ANKRD30A: variants seen among roughly 807,000 people sequenced by gnomAD.
ANKRD30A encodes the protein ankyrin repeat domain 30A.
A neutral mutation model predicts 166.3 loss-of-function variants in ANKRD30A; 170 were observed. The observed-to-expected ratio is 1.02, with a 90% CI of 0.90 to 1.16. ANKRD30A has a LOEUF of 1.16. Among genes scored for constraint, ANKRD30A ranks in the 50% most tolerant of loss-of-function variants. The probability of loss-of-function intolerance (pLI) is 0.00; values close to 1 mark genes in which losing one functional copy is unlikely to be tolerated. For synonymous variants in ANKRD30A, 564 were observed against 508.9 expected, an observed-to-expected ratio of 1.11 and a Z score of -1.46; for missense variants, 1,630 against 1,518.0, an observed-to-expected ratio of 1.07 and a Z score of -1.23.
chr10:37,255,908 TG>T, the ANKRD30A span, among the ~76,000 whole-genome samples: 1 of 152,252 alleles, frequency 6.6e-6, no homozygotes, highest in Non-Finnish European at 1.5e-5. Context: ...TTCCCAGCTC[TG>T]AATCCTCCAG....
chr10:37,128,076 A>G (rs567274541), intron 1 of ANKRD30A, among the ~76,000 whole-genome samples: 1 of 152,206 alleles, frequency 6.6e-6, no homozygotes, highest in Non-Finnish European at 1.5e-5. Flanking sequence ...ATACAGAAGT[A>G]TGTTGACATT....
chr10:37,246,986 C>A, the ANKRD30A span, among the ~76,000 whole-genome samples: 27 of 152,072 alleles, frequency 1.8e-4, no homozygotes, highest in Admixed American at 1.0e-3. Context: ...TTTGGGAGAC[C>A]GAGGTGGGTG....
At chr10:37,191,544 C>T (rs1840578740) in intron 25 of ANKRD30A, among the ~76,000 whole-genome samples, 1 of 151,888 alleles carries the variant, frequency 6.6e-6, no homozygotes, top group African/African-American at 2.4e-5. Flanking sequence ...ATGATTTGCT[C>T]CTGTGATTCC....
intron 27 of ANKRD30A, among the ~76,000 whole-genome samples, chr10:37,194,799 A>C (rs1840937233): frequency 6.6e-6 from 1 of 152,142 alleles, no homozygotes. Flanking sequence ...AAACACATTT[A>C]ATTAGACCGT....
intron 5 of ANKRD30A, 78 bp from the exon 6 acceptor site, chr10:37,136,529 A>G (rs1588755418): frequency 9.3e-6 from 6 of 646,538 alleles, no homozygotes; most frequent in African/African-American, 1.9e-5. Context: ...TGCTCTAAGA[A>G]CTTAATAAAT....
chr10:37,149,874 A>G (rs368836727), intron 11 of ANKRD30A, 25 bp downstream of exon 11: 10 of 1,611,248 alleles, frequency 6.2e-6, no homozygotes, highest in African/African-American at 4.0e-5. Context: ...TTAACTATGC[A>G]AAGACGAATA....
chr10:37,166,059 G>A (rs1252821475), intron 18 of ANKRD30A, among the ~76,000 whole-genome samples: 1 of 151,984 alleles, frequency 6.6e-6, no homozygotes, highest in African/African-American at 2.4e-5. Context: ...TCAGAAACAT[G>A]TTGCTTATTT....
rs1214504490 is a variant in ANKRD30A, at chr10:37,189,511, G to A, written c.2466G>A (p.Lys822=). 2.0e-6 allele frequency: 3 copies of A among 1,533,846 alleles called. No individual in the cohort carries two copies. The highest frequency in any genetic ancestry group is 2.9e-5 in the African/African-American group (2 of 69,218). ...CACAGAAGGATGTGTGTTTACCCAA[G>A]GCTACGCATCAAAAAGAAATAGATA... ...TVSQKDVCLP[K]ATHQKEIDKI... is the part of the protein sequence containing the mutation. The change falls in exon 25 of 36, where the codon AAG becomes AAA. Residue 822 remains lysine (K), a synonymous_variant. Transcript: ENST00000361713.
chr10:37,162,725 T>A lies in ANKRD30A; in HGVS notation c.1929+48T>A, dbSNP rs761776284. ...TTTGAATGACTTATTATCTATGTATTTTGTGAAGTATACATTCTTTATTAA... is the reference window on the plus strand; with the variant it reads ...TTTGAATGACTTATTATCTATGTATATTGTGAAGTATACATTCTTTATTAA... On this transcript the variant is annotated intron_variant, in intron 16 of 35. Coordinates refer to ENST00000361713, the MANE Select transcript of ANKRD30A (RefSeq NM_052997.3). 5.0e-6 allele frequency: 8 copies of A among 1,612,344 alleles called. No individual in the cohort carries two copies. In the South Asian group the frequency reaches 8.8e-5, roughly 18 times the overall value.
intron 29 of ANKRD30A, among the ~76,000 whole-genome samples, chr10:37,198,522 A>G (rs1841345679): frequency 6.6e-6 from 1 of 152,068 alleles, no homozygotes; most frequent in Non-Finnish European, 1.5e-5. Context: ...TAAAAGTAAA[A>G]TATTTAAGAT....
chr10:37,215,287 T>A (rs1842545890), intron 31 of ANKRD30A, among the ~76,000 whole-genome samples: 3 of 151,476 alleles, frequency 2.0e-5, no homozygotes, highest in Non-Finnish European at 1.5e-5. Context: ...TTCTTGCCAC[T>A]ATGTGAGAAC....
At chr10:37,202,677 C>CA (rs1841720100) in intron 31 of ANKRD30A, among the ~76,000 whole-genome samples, 2 of 151,866 alleles carry the variant, frequency 1.3e-5, no homozygotes, top group South Asian at 2.1e-4. Context: ...AAAAATCCTT[C>CA]AAAAAATCAA....
At chr10:37,206,108 A>G (rs1301971709) in intron 31 of ANKRD30A, among the ~76,000 whole-genome samples, 1 of 152,208 alleles carries the variant, frequency 6.6e-6, no homozygotes, top group Non-Finnish European at 1.5e-5. Flanking sequence ...AGGAAAATTT[A>G]TTTTAAAAAG....
chr10:37,207,437 A>G (rs1474674587), intron 31 of ANKRD30A, among the ~76,000 whole-genome samples: 1 of 152,148 alleles, frequency 6.6e-6, no homozygotes, highest in Non-Finnish European at 1.5e-5. Context: ...AATGGCTTGT[A>G]AAATTTTCCT....
At chr10:37,198,860 G>T (rs537122509) in intron 29 of ANKRD30A, among the ~76,000 whole-genome samples, 57 of 152,106 alleles carry the variant, frequency 3.7e-4, no homozygotes, top group African/African-American at 1.3e-3. Flanking sequence ...TCTTTAACCT[G>T]ATTCAAATAG....
the ANKRD30A span, among the ~76,000 whole-genome samples, chr10:37,260,840 T>C: frequency 1.3e-5 from 2 of 152,048 alleles, no homozygotes; most frequent in African/African-American, 4.8e-5. Context: ...AAGTGGGAAC[T>C]AAACATTGAG....
intron 24 of ANKRD30A, among the ~76,000 whole-genome samples, chr10:37,179,656 G>T (rs879345364): frequency 7.6e-5 from 11 of 145,040 alleles, no homozygotes; most frequent in Non-Finnish European, 1.1e-4. Flanking sequence ...GAACTGTGTG[G>T]CTTCTCAATG....
At chr10:37,252,366 T>A in the ANKRD30A span, among the ~76,000 whole-genome samples, 1 of 152,188 alleles carries the variant, frequency 6.6e-6, no homozygotes, top group South Asian at 2.1e-4. Flanking sequence ...ATTTCCCACT[T>A]TTAAAATAAA....
chr10:37,231,893 A>G (rs1455801308), intron 35 of ANKRD30A, among the ~76,000 whole-genome samples: 1 of 152,110 alleles, frequency 6.6e-6, no homozygotes, highest in Non-Finnish European at 1.5e-5. Flanking sequence ...AACTTCATTC[A>G]ATAAACTTAA....
Sources: gnomAD v4.1 joint callset for allele counts (sites outside exome capture counted in the v4.1 genomes callset) on GRCh38, gnomAD v4.1.1 for gene constraint, MANE v1.5 for transcripts, NCBI Gene and HGNC (gene_info 2026-07-23, HGNC 2026-07-21) for gene names.